LIFR: variants seen among roughly 807,000 people sequenced by gnomAD.
LIFR encodes leukemia inhibitory factor receptor.
A neutral mutation model predicts 122.2 loss-of-function variants in LIFR; 84 were observed. That is an observed-to-expected ratio of 0.69 (90% CI 0.58 to 0.82). The LOEUF is 0.82. LIFR is among the 40% of genes least tolerant of loss of function. The probability of loss-of-function intolerance (pLI) is 0.00; values close to 1 mark genes in which losing one functional copy is unlikely to be tolerated. For synonymous variants in LIFR, 422 were observed against 434.7 expected (o/e 0.97, Z 0.36); for missense variants, 1,294 against 1,311.6 (o/e 0.99, Z 0.21).
chr5:38,479,688 A>G lies in LIFR; in HGVS notation c.*1907T>C. On this transcript the variant is annotated 3_prime_UTR_variant, in exon 20 of 20. Coordinates refer to ENST00000453190, the MANE Select transcript of LIFR (RefSeq NM_001127671.2). ...GGCAGGAGTTGAGGGCAAGCAGACA[A>G]TGCTAACAGCAAGCTTTGGCAGGGA... is the stretch of plus-strand genomic sequence containing the variant. 1 of 231,302 alleles carries G rather than the reference A, an allele frequency of 4.3e-6. No homozygotes were observed. Among genetic ancestry groups the G allele is most frequent in the East Asian group, 6.1e-5 (1 of 16,342 alleles). The allele number at this position is 231,302 out of a possible 1,614,324, so 14.3% of individuals were successfully genotyped here.
intron 19 of LIFR, 123 bp downstream of exon 19, chr5:38,482,466 A>G: frequency 1.5e-6 from 1 of 659,488 alleles, no homozygotes; most frequent in Non-Finnish European, 2.6e-6. Context: ...GAGATGTTTT[A>G]AAGTATATAA....
At position 38,503,965 on chromosome 5, in the gene LIFR, G is replaced by C; in HGVS notation, c.1437+11C>G. On this transcript the variant is annotated intron_variant, in intron 10 of 19. Transcript: ENST00000453190. Reference sequence around the variant, plus strand: ...AAATAATCACAAAGGAAGTCTTTAAGAGAATCTTACCTGCTCTTGTACTGA... The same window carrying C: ...AAATAATCACAAAGGAAGTCTTTAACAGAATCTTACCTGCTCTTGTACTGA... 1 of 1,536,854 alleles carries C rather than the reference G, an allele frequency of 6.5e-7. No individual in the cohort carries two copies. Among genetic ancestry groups the C allele is most frequent in the Non-Finnish European group, 9.0e-7 (1 of 1,111,062 alleles).
At chr5:38,485,564 G>T (rs1744242122) in intron 17 of LIFR, 1 of 540,478 alleles carries the variant, frequency 1.9e-6, no homozygotes, top group Non-Finnish European at 3.3e-6. Context: ...TATGACTTTA[G>T]ACCTCTAGAC....
rs1432917321 is a variant in LIFR at position 38,477,842 on chromosome 5, C to G, written c.*3753G>C. 1.8e-5 allele frequency: 4 copies of G among 216,444 alleles called. No individual in the cohort carries two copies. The Admixed American group carries it at 2.3e-4, about 13-fold the overall frequency. The allele number at this position is 216,444 out of a possible 1,614,324, so 13.4% of individuals were successfully genotyped here. On this transcript the variant is annotated 3_prime_UTR_variant, in exon 20 of 20. Coordinates refer to ENST00000453190, the MANE Select transcript of LIFR (RefSeq NM_001127671.2). ...GTAGCTAATAATCCCACATTTTACTCTGAGATGCCCAATTTTACACTTTCA... is the reference window on the plus strand; with the variant it reads ...GTAGCTAATAATCCCACATTTTACTGTGAGATGCCCAATTTTACACTTTCA...
intron 12 of LIFR, among the ~76,000 whole-genome samples, 199 bp downstream of exon 12, chr5:38,499,314 A>G (rs760713130): frequency 6.6e-6 from 1 of 152,206 alleles, no homozygotes; most frequent in Non-Finnish European, 1.5e-5. Flanking sequence ...CAGATCTGAC[A>G]CAGGAGATCC....
At chr5:38,490,067 C>A in intron 15 of LIFR, 123 bp downstream of exon 15, 94 of 261,062 alleles carry the variant, frequency 3.6e-4, no homozygotes, top group East Asian at 7.4e-4. Context: ...TTTAATTTAT[C>A]AAATTATTTT....
intron 1 of LIFR, among the ~76,000 whole-genome samples, chr5:38,578,904 C>T (rs927428453): frequency 2.6e-5 from 4 of 152,118 alleles, no homozygotes; most frequent in African/African-American, 7.2e-5. Context: ...TTTTTTAGTT[C>T]ACCTTCAAGT....
At chr5:38,516,376 AAAC>A (rs1431737159) in intron 5 of LIFR, among the ~76,000 whole-genome samples, 2 of 152,240 alleles carry the variant, frequency 1.3e-5, no homozygotes, top group Admixed American at 6.5e-5. Flanking sequence ...GAAAAAAATC[AAAC>A]AACCCCATCA....
chr5:38,482,265 A>G, intron 19 of LIFR, 47 bp from the exon 20 acceptor site: 1 of 1,558,824 alleles, frequency 6.4e-7, no homozygotes, highest in Non-Finnish European at 8.7e-7. Context: ...ACTAAATGCC[A>G]TTGCAATGCT....
At chr5:38,516,131 C>T (rs1746067977) in intron 5 of LIFR, among the ~76,000 whole-genome samples, 1 of 152,110 alleles carries the variant, frequency 6.6e-6, no homozygotes, top group Admixed American at 6.6e-5. Context: ...TAAGGAATTA[C>T]TGCCTTGTCA....
Position 38,506,064 on chromosome 5 carries a change from T to C in LIFR, c.1132A>G (p.Lys378Glu). 1 of 1,595,702 alleles carries C rather than the reference T, an allele frequency of 6.3e-7. No homozygotes were observed. The highest frequency in any genetic ancestry group is 8.6e-7 in the Non-Finnish European group (1 of 1,168,480). Residue 378 changes from lysine to glutamate, a missense_variant, in exon 9 of 20, where the codon AAA becomes GAA. Physicochemically the swap from Lys to Glu is moderately conservative, Grantham distance 56. Coordinates refer to ENST00000453190, the MANE Select transcript of LIFR (RefSeq NM_001127671.2). ...TCAGCTCTTTTAAGTCTAACATATT[T>C]TCCTGAAAAACTGTTAATTAACAGA... is the stretch of plus-strand genomic sequence containing the variant. Reference protein sequence around the residue: ...SYTLVESFSGKYVRLKRAEAP... With the variant: ...SYTLVESFSGEYVRLKRAEAP...
intron 13 of LIFR, among the ~76,000 whole-genome samples, chr5:38,494,878 G>C (rs960853211): frequency 2.0e-5 from 3 of 152,160 alleles, no homozygotes; most frequent in African/African-American, 7.2e-5. Flanking sequence ...ATTACCCACT[G>C]TAACAGGAGA....
intron 1 of LIFR, among the ~76,000 whole-genome samples, chr5:38,552,278 G>GA (rs1748246319): frequency 6.6e-6 from 1 of 152,220 alleles, no homozygotes; most frequent in Admixed American, 6.5e-5. Context: ...AGTCACAGGA[G>GA]AAAGATGTAG....
At position 38,480,275 on chromosome 5, in the gene LIFR, T is replaced by G. The variant is rs1743920070; in HGVS notation, c.*1320A>C. On this transcript the variant is annotated 3_prime_UTR_variant, in exon 20 of 20. Transcript: ENST00000453190. ...ACACTTTTTAGTTTTTCCTTCTGCT[T>G]TTCCAAGAACCACAATCACTCCAGA... 3 of 227,358 alleles carry G rather than the reference T, an allele frequency of 1.3e-5. No homozygotes were observed. The highest frequency in any genetic ancestry group is 1.8e-4 in the South Asian group (1 of 5,478). The allele number at this position is 227,358 out of a possible 1,614,324, so 14.1% of individuals were successfully genotyped here.
upstream of LIFR, among the ~76,000 whole-genome samples, chr5:38,598,219 TTTTTTTTTTTTTTA>T (rs1306702042): frequency 1.3e-4 from 9 of 67,244 alleles, no homozygotes; most frequent in African/African-American, 6.8e-4. Flanking sequence ...CTCTTTTTTT[TTTTTTTTTTTTTTA>T]TTTATTTATT....
intron 1 of LIFR, among the ~76,000 whole-genome samples, chr5:38,580,023 C>A (rs957631091): frequency 6.6e-6 from 1 of 152,096 alleles, no homozygotes; most frequent in Non-Finnish European, 1.5e-5. Flanking sequence ...TTAGGCAATT[C>A]CTGTAAATTG....
chr5:38,557,623 C>T (rs79308552), upstream of LIFR: 2,115 of 154,834 alleles, frequency 0.014, 26 homozygotes, highest in South Asian at 0.026. Context: ...CCAAGGCCAA[C>T]GTGTTTTTTA....
Position 38,523,430 on chromosome 5 carries a change from G to A in LIFR, c.550C>T (p.Leu184Phe). 2.5e-6 allele frequency: 4 copies of A among 1,609,748 alleles called. No homozygotes were observed. The highest frequency in any genetic ancestry group is 1.1e-5 in the South Asian group (1 of 90,244). ...ATGTTCAAACTTACTAATTTTACGAGCTCCATACTCTCTTTACGTAGAACT... is the reference window on the plus strand; with the variant it reads ...ATGTTCAAACTTACTAATTTTACGAACTCCATACTCTCTTTACGTAGAACT... Reference protein sequence around the residue: ...IKVLRKESMELVKLVTHNTTL... With the variant: ...IKVLRKESMEFVKLVTHNTTL... Residue 184 changes from leucine to phenylalanine, a missense_variant, in exon 5 of 20, where the codon CTC (leucine) becomes TTC (phenylalanine). Coordinates refer to ENST00000453190, the MANE Select transcript of LIFR (RefSeq NM_001127671.2).
chr5:38,479,858 T>C lies in LIFR; in HGVS notation c.*1737A>G, dbSNP rs889352175. 1 of 226,702 alleles carries C rather than the reference T, an allele frequency of 4.4e-6. No homozygotes were observed. Among genetic ancestry groups the C allele is most frequent in the Non-Finnish European group, 8.8e-6 (1 of 114,006 alleles). The allele number at this position is 226,702 out of a possible 1,614,324, so 14.0% of individuals were successfully genotyped here. A position where few individuals can be genotyped will look rare whatever the true frequency, so the allele number is the denominator to read the frequency against. ...TACTGAACATTTCTATGAACTATTA[T>C]ATAGTTTTAATATACTATGTATGTA... On this transcript the variant is annotated 3_prime_UTR_variant, in exon 20 of 20. Coordinates refer to ENST00000453190, the MANE Select transcript of LIFR (RefSeq NM_001127671.2).
Sources: allele counts gnomAD v4.1 joint callset (sites outside exome capture counted in the v4.1 genomes callset), GRCh38; gene constraint gnomAD v4.1.1; transcripts MANE v1.5; gene names NCBI Gene and HGNC (gene_info 2026-07-23, HGNC 2026-07-21).